The following DPP10 variants were observed in gnomAD, a reference collection of about 807,000 sequenced individuals.
The protein encoded by DPP10 is dipeptidyl peptidase like 10, also known as inactive dipeptidyl peptidase 10.
DPP10 carries 33 observed loss-of-function variants against 120.9 expected under a neutral mutation model. The observed-to-expected ratio is 0.27, with a 90% confidence interval of 0.21 to 0.37. The LOEUF (loss-of-function observed/expected upper bound fraction) is 0.37. DPP10 is among the 10% of genes least tolerant of loss of function. The pLI is 1.00. For missense variants in DPP10, 816 were observed against 942.8 expected (o/e 0.87, Z 1.76); for synonymous variants, 337 against 326.1 (o/e 1.03, Z -0.36).
At chr2:115,174,929 GC>G (rs1424603216) in intron 1 of DPP10, among the ~76,000 whole-genome samples, 2 of 152,188 alleles carry the variant, frequency 1.3e-5, no homozygotes, top group Non-Finnish European at 2.9e-5. Flanking sequence ...GTCTATGAAG[GC>G]TAGAGGAGAA....
chr2:114,832,088 AC>A (rs1341010421), intron 1 of DPP10, among the ~76,000 whole-genome samples: 2 of 152,082 alleles, frequency 1.3e-5, no homozygotes, highest in African/African-American at 4.8e-5. Context: ...ACCTTCCAAC[AC>A]TACCTTAGTC....
At chr2:115,205,231 C>G (rs1574003059) in intron 1 of DPP10, among the ~76,000 whole-genome samples, 1 of 152,218 alleles carries the variant, frequency 6.6e-6, no homozygotes, top group East Asian at 1.9e-4. Context: ...TTAGGTCTTA[C>G]ATTTAAGTCT....
intron 17 of DPP10, among the ~76,000 whole-genome samples, chr2:115,783,453 A>G (rs1682997184): frequency 6.6e-6 from 1 of 152,176 alleles, no homozygotes; most frequent in Non-Finnish European, 1.5e-5. Context: ...GAAGATATAT[A>G]GGTAAAAAAG....
intron 1 of DPP10, among the ~76,000 whole-genome samples, chr2:114,893,462 TGG>T (rs549015122): frequency 6.6e-6 from 1 of 151,764 alleles, no homozygotes; most frequent in Non-Finnish European, 1.5e-5. Flanking sequence ...TTTTGAATAT[TGG>T]GGGGTGGATG....
intron 3 of DPP10, among the ~76,000 whole-genome samples, chr2:115,486,633 T>C (rs2075795625): frequency 6.6e-6 from 1 of 152,154 alleles, no homozygotes; most frequent in African/African-American, 2.4e-5. Context: ...CTAGAAACTT[T>C]TGGTAAGAGT....
intron 1 of DPP10, among the ~76,000 whole-genome samples, chr2:114,626,314 A>G (rs997140920): frequency 2.6e-5 from 4 of 152,060 alleles, no homozygotes; most frequent in African/African-American, 9.7e-5. Flanking sequence ...TGTGCTTTAT[A>G]ATCATTTGCA....
intron 1 of DPP10, among the ~76,000 whole-genome samples, chr2:115,201,990 A>G (rs1573992680): frequency 6.6e-6 from 1 of 152,166 alleles, no homozygotes; most frequent in East Asian, 1.9e-4. Flanking sequence ...GTACTGCATG[A>G]TTCAGGGTTC....
At position 115,279,603 on chromosome 2, in the gene DPP10, TTTC is replaced by T. The variant is rs1366867753; in HGVS notation, c.61-29633_61-29631del. Among the ~76,000 whole-genome samples, 7 of 151,684 alleles carry T rather than the reference TTTC, an allele frequency of 4.6e-5. 1 individual carries two copies. The highest frequency in any genetic ancestry group is 1.7e-4 in the African/African-American group (7 of 41,458). On this transcript the variant is annotated intron_variant, in intron 1 of 25. Coordinates refer to ENST00000410059, the MANE Select transcript of DPP10 (RefSeq NM_020868.6). Reference sequence around the variant, plus strand: ...AGACACCAGAATTTTGGGTAGCATTTTTCTTTTTTTTCTTTTATCTTTTTTCTT... The same window carrying T: ...AGACACCAGAATTTTGGGTAGCATTTTTTTTTTTCTTTTATCTTTTTTCTT...
intron 7 of DPP10, among the ~76,000 whole-genome samples, chr2:115,705,306 T>C (rs1483955054): frequency 1.3e-5 from 2 of 152,044 alleles, no homozygotes; most frequent in African/African-American, 2.4e-5. Flanking sequence ...ATTAAATATC[T>C]ATGCTTTTTA....
chr2:114,684,431 G>A (rs1158438614), intron 1 of DPP10, among the ~76,000 whole-genome samples: 1 of 151,890 alleles, frequency 6.6e-6, no homozygotes, highest in Non-Finnish European at 1.5e-5. Flanking sequence ...AGACAAAAGG[G>A]GAAAAAACAG....
At chr2:115,273,939 G>A (rs748387607) in intron 1 of DPP10, among the ~76,000 whole-genome samples, 5 of 152,112 alleles carry the variant, frequency 3.3e-5, no homozygotes, top group Admixed American at 6.5e-5. Context: ...TAGCCCACTC[G>A]TAGCCGTCTT....
intron 5 of DPP10, among the ~76,000 whole-genome samples, chr2:115,536,257 T>G (rs1003884788): frequency 1.3e-5 from 2 of 152,006 alleles, no homozygotes; most frequent in Non-Finnish European, 2.9e-5. Flanking sequence ...TAGACAAAAT[T>G]ATAAAAATAG....
intron 1 of DPP10, among the ~76,000 whole-genome samples, chr2:115,176,614 A>G (rs2053710769): frequency 6.6e-6 from 1 of 152,182 alleles, no homozygotes; most frequent in Non-Finnish European, 1.5e-5. Context: ...TCAATAAATC[A>G]TATTTGATTC....
chr2:115,300,014 G>T (rs2061054296), intron 1 of DPP10, among the ~76,000 whole-genome samples: 1 of 151,874 alleles, frequency 6.6e-6, no homozygotes, highest in African/African-American at 2.4e-5. Context: ...ACATTTTGTG[G>T]TTTTCCCTCT....
At chr2:114,861,875 G>A (rs768883904) in intron 1 of DPP10, among the ~76,000 whole-genome samples, 1 of 152,082 alleles carries the variant, frequency 6.6e-6, no homozygotes, top group Non-Finnish European at 1.5e-5. Flanking sequence ...AATACAAGGT[G>A]CTTAAAGTAT....
chr2:114,620,185 C>A (rs1478221053), intron 1 of DPP10, among the ~76,000 whole-genome samples: 1 of 151,816 alleles, frequency 6.6e-6, no homozygotes, highest in Non-Finnish European at 1.5e-5. Context: ...CTTAGGAAAG[C>A]ATGTTATATA....
intron 3 of DPP10, among the ~76,000 whole-genome samples, chr2:115,487,070 C>T (rs1252016609): frequency 6.6e-6 from 1 of 152,076 alleles, no homozygotes; most frequent in Non-Finnish European, 1.5e-5. Flanking sequence ...GGATTTGATT[C>T]ATTTTTTAAA....
chr2:115,140,284 GTAC>G (rs2050857915), intron 1 of DPP10, among the ~76,000 whole-genome samples: 1 of 152,294 alleles, frequency 6.6e-6, no homozygotes, highest in East Asian at 1.9e-4. Context: ...CTAGGGAAGT[GTAC>G]TACTGGCAAA....
chr2:114,649,138 C>A (rs928825661), intron 1 of DPP10, among the ~76,000 whole-genome samples: 1 of 152,128 alleles, frequency 6.6e-6, no homozygotes, highest in Admixed American at 6.5e-5. Flanking sequence ...GAACATTTAA[C>A]TTTTTAAAAA....
Sources: allele counts gnomAD v4.1 joint callset (sites outside exome capture counted in the v4.1 genomes callset), GRCh38; gene constraint gnomAD v4.1.1; transcripts MANE v1.5; gene names NCBI Gene and HGNC (gene_info 2026-07-23, HGNC 2026-07-21).